The following ATP11C variants were observed in gnomAD, a reference collection of about 807,000 sequenced individuals.
ATP11C encodes the protein phospholipid-transporting ATPase IG.
In ATP11C, 36 loss-of-function variants were observed where a neutral mutation model predicts 97.4. That is an observed-to-expected ratio of 0.37 (90% confidence interval 0.28 to 0.49). The LOEUF is 0.49. Among genes scored for constraint, ATP11C ranks in the 20% least tolerant of loss-of-function variants. The pLI is 0.98. For missense variants in ATP11C, 730 were observed against 824.6 expected, an observed-to-expected ratio of 0.89 and a Z score of 1.40; for synonymous variants, 275 against 290.9, an observed-to-expected ratio of 0.95 and a Z score of 0.56.
chrX:139,791,636 A>C (rs1278090161), intron 12 of ATP11C, among the ~76,000 whole-genome samples: 1 of 111,606 alleles, frequency 9.0e-6, no homozygotes, highest in Non-Finnish European at 1.9e-5. Context: ...GTTCTCAGGT[A>C]GTGTTGATGC....
chrX:139,771,261 C>T (rs1047528350), intron 19 of ATP11C, among the ~76,000 whole-genome samples: 3 of 111,495 alleles, frequency 2.7e-5, no homozygotes, highest in Non-Finnish European at 3.8e-5. Flanking sequence ...TTTCTGTTAC[C>T]GTAGCCATGT....
At chrX:139,763,452 G>T in intron 20 of ATP11C, 34 bp from the exon 21 acceptor site, 1 of 1,085,023 alleles carries the variant, frequency 9.2e-7, no homozygotes, top group Non-Finnish European at 1.3e-6. Flanking sequence ...TGTAAAAAAG[G>T]TCAAAGAAGA....
intron 23 of ATP11C, among the ~76,000 whole-genome samples, chrX:139,757,202 G>A (rs1053615106): frequency 3.6e-5 from 4 of 110,950 alleles, no homozygotes; most frequent in Non-Finnish European, 7.5e-5. Context: ...CTGAGTCACT[G>A]AGTACTATAG....
chrX:139,905,169 T>C (rs1356700197), intron 1 of ATP11C, among the ~76,000 whole-genome samples: 1 of 112,310 alleles, frequency 8.9e-6, no homozygotes, highest in African/African-American at 3.2e-5. Flanking sequence ...CCAATCTGAA[T>C]TGAATTTTTC....
chrX:139,862,597 G>A (rs1337733767), intron 1 of ATP11C, among the ~76,000 whole-genome samples: 1 of 111,897 alleles, frequency 8.9e-6, no homozygotes, highest in Non-Finnish European at 1.9e-5. Context: ...GAGCAGAGCT[G>A]ATTTGAGAGT....
chrX:139,933,088 CCCCCACCCCG>C (rs1333686309), upstream of ATP11C: 5 of 111,405 alleles, frequency 4.5e-5, no homozygotes, highest in African/African-American at 1.3e-4. Context: ...ATTTCCCTGA[CCCCCACCCCG>C]CCCCACCCAG....
At chrX:139,823,997 C>T (rs1307338875) in intron 2 of ATP11C, among the ~76,000 whole-genome samples, 4 of 108,299 alleles carry the variant, frequency 3.7e-5, no homozygotes, top group African/African-American at 1.3e-4. Flanking sequence ...GGGCAAAGGG[C>T]GGGGTGCAGT....
intron 1 of ATP11C, among the ~76,000 whole-genome samples, chrX:139,853,378 G>C (rs928913919): frequency 9.2e-6 from 1 of 109,226 alleles, no homozygotes; most frequent in African/African-American, 3.4e-5. Context: ...AAGAAAGAGA[G>C]GGGGAAGAGA....
At chrX:139,824,208 T>C (rs1324043593) in intron 2 of ATP11C, among the ~76,000 whole-genome samples, 5 of 106,510 alleles carry the variant, frequency 4.7e-5, no homozygotes, top group Admixed American at 1.0e-4. Flanking sequence ...CAGATAAACA[T>C]GATGGAAACT....
At chrX:139,924,535 G>C (rs1307753790) in intron 1 of ATP11C, among the ~76,000 whole-genome samples, 1 of 111,415 alleles carries the variant, frequency 9.0e-6, no homozygotes, top group Admixed American at 9.6e-5. Flanking sequence ...TCCTTGGCTG[G>C]TGTCTGGGGA....
At chrX:139,816,724 T>A in intron 4 of ATP11C, 139 bp downstream of exon 4, 1 of 372,375 alleles carries the variant, frequency 2.7e-6, no homozygotes, top group South Asian at 3.8e-5. Context: ...TTTTAATAGG[T>A]TTTCAAGAGG....
intron 1 of ATP11C, among the ~76,000 whole-genome samples, chrX:139,846,316 C>T (rs1189942193): frequency 8.9e-6 from 1 of 111,897 alleles, no homozygotes; most frequent in Non-Finnish European, 1.9e-5. Flanking sequence ...TTTGTGGTAT[C>T]AGTGGCTATA....
intron 27 of ATP11C, among the ~76,000 whole-genome samples, chrX:139,738,481 A>G (rs776310278): frequency 2.1e-4 from 24 of 112,042 alleles, no homozygotes; most frequent in Non-Finnish European, 3.6e-4. Flanking sequence ...GAAATTCAAA[A>G]GACATTTTTA....
At chrX:139,862,480 T>C (rs563327335) in intron 1 of ATP11C, among the ~76,000 whole-genome samples, 2 of 111,482 alleles carry the variant, frequency 1.8e-5, no homozygotes, top group African/African-American at 6.5e-5. Context: ...GTGTCAAAAT[T>C]GAATTAGAGG....
At chrX:139,884,417 A>C (rs1474187875) in intron 1 of ATP11C, among the ~76,000 whole-genome samples, 1 of 112,212 alleles carries the variant, frequency 8.9e-6, no homozygotes, top group Non-Finnish European at 1.9e-5. Context: ...ATGTAAAATA[A>C]AAACGGCATC....
intron 1 of ATP11C, among the ~76,000 whole-genome samples, chrX:139,863,689 C>T (rs2084238550): frequency 9.0e-6 from 1 of 111,418 alleles, no homozygotes; most frequent in South Asian, 3.8e-4. Context: ...AAACTAGGAA[C>T]ATTTTACTGA....
intron 24 of ATP11C, among the ~76,000 whole-genome samples, chrX:139,748,563 G>C (rs1043975994): frequency 9.0e-6 from 1 of 111,500 alleles, no homozygotes; most frequent in Non-Finnish European, 1.9e-5. Context: ...TGTGTCCTTA[G>C]GTAAGTCATT....
chrX:139,908,328 A>G (rs761475218), intron 1 of ATP11C, among the ~76,000 whole-genome samples: 1 of 112,230 alleles, frequency 8.9e-6, no homozygotes, highest in African/African-American at 3.2e-5. Context: ...CTCTGACAGA[A>G]CTTTCATGTT....
intron 19 of ATP11C, among the ~76,000 whole-genome samples, chrX:139,769,143 G>C (rs2082196838): frequency 9.6e-6 from 1 of 103,984 alleles, no homozygotes; most frequent in Non-Finnish European, 2.0e-5. Context: ...AGGTTAAGCA[G>C]CCTGACTCTG....
Sources: allele counts gnomAD v4.1 joint callset (sites outside exome capture counted in the v4.1 genomes callset), GRCh38; gene constraint gnomAD v4.1.1; transcripts MANE v1.5; gene names NCBI Gene and HGNC (gene_info 2026-07-23, HGNC 2026-07-21).